Variants in NEDD4 observed in about 807,000 individuals in gnomAD.
The protein encoded by NEDD4 is NEDD4 E3 ubiquitin protein ligase, also known as E3 ubiquitin-protein ligase NEDD4.
NEDD4 carries 99 observed loss-of-function variants against 144.9 expected under a neutral mutation model. The observed-to-expected ratio is 0.68, with a 90% CI of 0.58 to 0.81. The LOEUF is 0.81. NEDD4 is among the 30% of genes least tolerant of loss of function. The probability of loss-of-function intolerance (pLI) is 0.00; values close to 1 mark genes in which losing one functional copy is unlikely to be tolerated. For missense variants in NEDD4, 985 were observed against 1,065.9 expected, an observed-to-expected ratio of 0.92 and a Z score of 1.06; for synonymous variants, 318 against 350.6, an observed-to-expected ratio of 0.91 and a Z score of 1.04.
intron 5 of NEDD4, among the ~76,000 whole-genome samples, chr15:55,880,292 C>CAA (rs199802208): frequency 6.9e-6 from 1 of 145,008 alleles, no homozygotes; most frequent in African/African-American, 2.5e-5. Context: ...ACCCCGTCTC[C>CAA]AAAAAAAAAG....
chr15:55,834,324 G>T, intron 24 of NEDD4, 38 bp from the exon 25 acceptor site: 1 of 1,356,890 alleles, frequency 7.4e-7, no homozygotes, highest in Non-Finnish European at 1.0e-6. Context: ...GATGGGCAGG[G>T]CCAATGGCCT....
intron 1 of NEDD4, among the ~76,000 whole-genome samples, chr15:55,983,831 G>A (rs997248674): frequency 1.3e-5 from 2 of 151,900 alleles, no homozygotes; most frequent in African/African-American, 2.4e-5. Context: ...GGCTGGTCTC[G>A]AACTCCTGAC....
chr15:55,945,607 C>T (rs1449527455), intron 4 of NEDD4, among the ~76,000 whole-genome samples: 1 of 152,096 alleles, frequency 6.6e-6, no homozygotes, highest in East Asian at 1.9e-4. Flanking sequence ...TCAAGGAGAA[C>T]TTCCCCAACC....
At chr15:55,833,941 G>T in intron 26 of NEDD4, 97 bp downstream of exon 26, 1 of 882,284 alleles carries the variant, frequency 1.1e-6, no homozygotes, top group Non-Finnish European at 1.8e-6. Context: ...TTCTGTATCA[G>T]TTAAATGTAA....
chr15:55,839,973 CAAAAAAAAAAAAAAAAAA>C (rs1157411288), intron 21 of NEDD4, among the ~76,000 whole-genome samples: 4 of 12,108 alleles, frequency 3.3e-4, no homozygotes, highest in African/African-American at 1.7e-3. Flanking sequence ...CACTCTGTCT[CAAAAAAAAAAAAAAAAAA>C]AAAAAAAAAT....
intron 1 of NEDD4, among the ~76,000 whole-genome samples, chr15:55,974,977 C>A (rs1221944742): frequency 2.1e-5 from 3 of 146,130 alleles, no homozygotes; most frequent in African/African-American, 7.6e-5. Context: ...ACTGCAACCT[C>A]TGCCTCCCAG....
At position 55,951,437 on chromosome 15, in the gene NEDD4, T is replaced by A. The variant is rs1370270106; in HGVS notation, c.199-23A>T. The A allele has an allele frequency of 5.8e-6, 7 of 1,205,734 alleles. No individual in the cohort carries two copies. In the African/African-American group the frequency reaches 6.2e-5, roughly 11 times the overall value. The allele number at this position is 1,205,734 out of a possible 1,614,324, so 74.7% of individuals were successfully genotyped here. On this transcript the variant is annotated intron_variant, in intron 3 of 28. Transcript: ENST00000435532. ...ACTCTAAAAAATAATAAACATAGTA[T>A]AACTAAATAAGGTTTTGTCTTATAA...
At chr15:55,859,829 G>A (rs140619665) in intron 11 of NEDD4, among the ~76,000 whole-genome samples, 20 of 152,256 alleles carry the variant, frequency 1.3e-4, no homozygotes, top group Non-Finnish European at 2.2e-4. Context: ...CTCTGTAATC[G>A]TGGCTGAATA....
rs762847291 is a variant in NEDD4 at position 55,856,168 on chromosome 15, T to C, written c.989A>G (p.Gln330Arg). Residue 330 changes from glutamine (Q) to arginine (R), a missense_variant, in exon 12 of 29, where the codon CAA becomes CGA. Coordinates refer to ENST00000435532, the MANE Select transcript of NEDD4 (RefSeq NM_006154.4). Reference sequence around the variant, plus strand: ...AGGTTGTTCCTCAAAAGTATAGGCTTGTAAGCTGCCTCTTCTGCTGGAATG... The same window carrying C: ...AGGTTGTTCCTCAAAAGTATAGGCTCGTAAGCTGCCTCTTCTGCTGGAATG... ...SNHSSRRGSL[Q>R]AYTFEEQPTL... The C allele has an allele frequency of 1.2e-6, 2 of 1,612,008 alleles. No individual in the cohort carries two copies. The highest frequency in any genetic ancestry group is 2.2e-5 in the South Asian group (2 of 90,410).
chr15:55,909,680 G>A (rs1003292821), intron 5 of NEDD4, among the ~76,000 whole-genome samples: 3 of 152,108 alleles, frequency 2.0e-5, no homozygotes, highest in Non-Finnish European at 4.4e-5. Context: ...GGTCTGTCTT[G>A]TTTCCCTGTC....
Position 55,869,696 on chromosome 15 carries a change from A to G in NEDD4, c.405-15T>C, listed in dbSNP as rs2034706581. On this transcript the variant is annotated splice_polypyrimidine_tract_variant and intron_variant, in intron 7 of 28. Coordinates refer to ENST00000435532, the MANE Select transcript of NEDD4 (RefSeq NM_006154.4). ...TTGATTTGTGACTGTAGAAAAGAAAATAAATATTCATAAAACTTTAACACC... is the reference window on the plus strand; with the variant it reads ...TTGATTTGTGACTGTAGAAAAGAAAGTAAATATTCATAAAACTTTAACACC... 7.1e-7 allele frequency: 1 copy of G among 1,413,464 alleles called. No individual in the cohort carries two copies. Among genetic ancestry groups the G allele is most frequent in the African/African-American group, 1.4e-5 (1 of 70,140 alleles). The allele number at this position is 1,413,464 out of a possible 1,614,324, so 87.6% of individuals were successfully genotyped here. A position where few individuals can be genotyped will look rare whatever the true frequency, so the allele number is the denominator to read the frequency against.
chr15:55,896,579 T>C (rs1384783059), intron 5 of NEDD4, among the ~76,000 whole-genome samples: 1 of 152,190 alleles, frequency 6.6e-6, no homozygotes, highest in Non-Finnish European at 1.5e-5. Flanking sequence ...TTAATATCTG[T>C]ATTATAGTTC....
chr15:55,954,015 C>T (rs2037292923), intron 2 of NEDD4, among the ~76,000 whole-genome samples: 1 of 152,172 alleles, frequency 6.6e-6, no homozygotes, highest in Non-Finnish European at 1.5e-5. Flanking sequence ...ATACCACCTC[C>T]TTTTCTTCAT....
intron 19 of NEDD4, among the ~76,000 whole-genome samples, chr15:55,840,931 GTT>G (rs2033473186): frequency 6.6e-6 from 1 of 152,192 alleles, no homozygotes; most frequent in African/African-American, 2.4e-5. Flanking sequence ...TATAAACAAA[GTT>G]TTGTTTGTTC....
At chr15:55,840,871 A>C in intron 19 of NEDD4, 144 bp from the exon 20 acceptor site, 1 of 847,340 alleles carries the variant, frequency 1.2e-6, no homozygotes, top group East Asian at 2.6e-5. Context: ...AAAAATAGTA[A>C]TTTCTGTCAA....
chr15:55,989,347 A>G lies in NEDD4; in HGVS notation c.45+4164T>C, dbSNP rs7161795. Among the ~76,000 whole-genome samples, 1,281 of 152,344 alleles carry G rather than the reference A, an allele frequency of 8.4e-3. 19 individuals carry two copies. The highest frequency in any genetic ancestry group is 0.029 in the African/African-American group (1,222 of 41,582). ...CTTTACAATGATCCTGGAATTAAAG[A>G]GTTGCAAAAAAGCACTAATGGCAAA... On this transcript the variant is annotated intron_variant, in intron 1 of 28. Transcript: ENST00000435532.
At chr15:55,850,850 A>G in intron 13 of NEDD4, 108 bp from the exon 14 acceptor site, 1 of 891,546 alleles carries the variant, frequency 1.1e-6, no homozygotes, top group Non-Finnish European at 1.6e-6. Context: ...CCCTCCATTA[A>G]AGAGACTCTA....
intron 2 of NEDD4, 86 bp downstream of exon 2, chr15:55,966,387 T>C (rs1468968995): frequency 2.5e-6 from 2 of 784,776 alleles, no homozygotes; most frequent in African/African-American, 1.8e-5. Flanking sequence ...ACTAATACTA[T>C]TTGATTTCTA....
chr15:55,844,752 A>C (rs1446125753), intron 18 of NEDD4, among the ~76,000 whole-genome samples: 1 of 152,032 alleles, frequency 6.6e-6, no homozygotes, highest in African/African-American at 2.4e-5. Context: ...GATGTTGAGG[A>C]TAAGGAAGAG....
Sources: allele counts gnomAD v4.1 joint callset (sites outside exome capture counted in the v4.1 genomes callset), GRCh38; gene constraint gnomAD v4.1.1; transcripts MANE v1.5; gene names NCBI Gene and HGNC (gene_info 2026-07-23, HGNC 2026-07-21).